EYS: variants seen among roughly 807,000 people sequenced by gnomAD.
EYS encodes EGF-like photoreceptor maintenance factor, also known as protein eyes shut homolog.
EYS carries 250 observed loss-of-function variants against 282.1 expected under a neutral mutation model. The observed-to-expected ratio is 0.89, with a 90% CI of 0.80 to 0.98. The LOEUF (loss-of-function observed/expected upper bound fraction) is 0.98, where lower values mean the gene tolerates loss of function less well. Ranked by LOEUF, EYS falls within the 50% of genes least tolerant of loss-of-function variation. The pLI is 0.00. For missense variants in EYS, 4,016 were observed against 3,709.0 expected (o/e 1.08, Z -2.15); for synonymous variants, 1,355 against 1,282.9 (o/e 1.06, Z -1.20).
At position 64,771,979 on chromosome 6, in the gene EYS, T is replaced by C. The variant is rs372832356; in HGVS notation, c.3443+41399A>G. On this transcript the variant is annotated intron_variant, in intron 22 of 42. Coordinates refer to ENST00000503581, the MANE Select transcript of EYS (RefSeq NM_001142800.2). ...AACATTTTTTCATCTCTCGTGTAAA[T>C]AGATACTGCTTTATTATTTTTCAAA... Among the ~76,000 whole-genome samples the C allele has an allele frequency of 3.3e-5, 5 of 151,934 alleles. 1 individual carries two copies. The South Asian group carries it at 1.0e-3, about 31-fold the overall frequency.
chr6:64,506,404 GAGTT>G (rs907111599), intron 26 of EYS, among the ~76,000 whole-genome samples: 1 of 152,164 alleles, frequency 6.6e-6, no homozygotes, highest in African/African-American at 2.4e-5. Context: ...TGATAACACT[GAGTT>G]AGTTCTAATC....
intron 16 of EYS, among the ~76,000 whole-genome samples, chr6:64,910,091 T>C (rs1240359418): frequency 6.6e-6 from 1 of 152,154 alleles, no homozygotes; most frequent in Non-Finnish European, 1.5e-5. Context: ...CGACCTGTCC[T>C]ATTTTAGTCA....
At chr6:64,711,891 T>C (rs1345786835) in intron 22 of EYS, among the ~76,000 whole-genome samples, 3 of 152,064 alleles carry the variant, frequency 2.0e-5, no homozygotes, top group Admixed American at 6.6e-5. Flanking sequence ...TTTGTGAATA[T>C]GCAAAAATGG....
chr6:65,483,321 C>A (rs1366953804), intron 5 of EYS, among the ~76,000 whole-genome samples: 1 of 151,972 alleles, frequency 6.6e-6, no homozygotes, highest in Non-Finnish European at 1.5e-5. Flanking sequence ...TATTTGCAGC[C>A]TTAATGTAAA....
chr6:65,605,905 C>T (rs571501180), intron 2 of EYS, among the ~76,000 whole-genome samples: 1 of 151,656 alleles, frequency 6.6e-6, no homozygotes, highest in East Asian at 1.9e-4. Flanking sequence ...TCTGGAAATG[C>T]TATATTGTGG....
At chr6:65,391,568 C>A (rs1233601843) in intron 7 of EYS, among the ~76,000 whole-genome samples, 1 of 152,082 alleles carries the variant, frequency 6.6e-6, no homozygotes, top group African/African-American at 2.4e-5. Context: ...CTCCCATTCA[C>A]AATTGCTTCA....
At chr6:65,539,453 T>G (rs896875258) in intron 2 of EYS, among the ~76,000 whole-genome samples, 1 of 152,144 alleles carries the variant, frequency 6.6e-6, no homozygotes, top group Non-Finnish European at 1.5e-5. Context: ...TATAAATATA[T>G]TGGACCGATT....
At position 65,527,315 on chromosome 6, in the gene EYS, G is replaced by T. The variant is rs140522012; in HGVS notation, c.-332-31322C>A. 4.6e-3 allele frequency among the ~76,000 whole-genome samples: 698 copies of T among 152,276 alleles called. 6 individuals are homozygous for T. The highest frequency in any genetic ancestry group is 0.015 in the African/African-American group (641 of 41,568). On this transcript the variant is annotated intron_variant, in intron 2 of 42. Coordinates refer to ENST00000503581, the MANE Select transcript of EYS (RefSeq NM_001142800.2). ...TTCCTTATGACTAATTAATGGTAGA[G>T]AAATATACTGGGGTATGACTCACGT...
At chr6:64,880,316 C>T (rs1183996092) in intron 19 of EYS, among the ~76,000 whole-genome samples, 1 of 151,828 alleles carries the variant, frequency 6.6e-6, no homozygotes, top group African/African-American at 2.4e-5. Flanking sequence ...TATGATGGTG[C>T]TTTTTTATAT....
At chr6:65,204,073 C>A (rs535999753) in intron 12 of EYS, among the ~76,000 whole-genome samples, 1 of 151,880 alleles carries the variant, frequency 6.6e-6, no homozygotes, top group Non-Finnish European at 1.5e-5. Flanking sequence ...TTATGTAAAG[C>A]GACCAAATCT....
intron 14 of EYS, among the ~76,000 whole-genome samples, chr6:64,947,965 AC>A (rs1203764705): frequency 6.6e-6 from 1 of 151,816 alleles, no homozygotes; most frequent in Non-Finnish European, 1.5e-5. Flanking sequence ...ATATTTTGAA[AC>A]AAATTTAGTG....
intron 31 of EYS, among the ~76,000 whole-genome samples, chr6:64,208,104 C>T (rs1765663064): frequency 6.6e-6 from 1 of 152,120 alleles, no homozygotes; most frequent in African/African-American, 2.4e-5. Flanking sequence ...ATAATTTATT[C>T]TCACCTAGCT....
intron 34 of EYS, among the ~76,000 whole-genome samples, chr6:63,996,118 T>G (rs925551279): frequency 7.9e-5 from 12 of 152,108 alleles, no homozygotes; most frequent in Middle Eastern, 3.4e-3. Context: ...AAACGATATA[T>G]GTGTAGATAT....
At chr6:65,092,409 C>A (rs560010740) in intron 12 of EYS, among the ~76,000 whole-genome samples, 1 of 152,062 alleles carries the variant, frequency 6.6e-6, no homozygotes, top group African/African-American at 2.4e-5. Context: ...TATTTACCAG[C>A]GCCTGAAAAT....
In EYS at chr6:64,845,245, A is replaced by G. The variant is rs78006966; in HGVS notation, c.2993-22423T>C. Among the ~76,000 whole-genome samples, 61 of 152,226 alleles carry G rather than the reference A, an allele frequency of 4.0e-4. 1 individual carries two copies. In the East Asian group the frequency reaches 0.011, roughly 29 times the overall value. The stretch of plus-strand genomic sequence containing the variant: ...GGCAAAGGTTGTAATGAGCCAACAT[A>G]GTGCCACTACACTCCTGCCTGGGTG... On this transcript the variant is annotated intron_variant, in intron 19 of 42. Coordinates refer to ENST00000503581, the MANE Select transcript of EYS (RefSeq NM_001142800.2).
intron 36 of EYS, among the ~76,000 whole-genome samples, chr6:63,836,604 C>G (rs191417538): frequency 6.6e-6 from 1 of 151,766 alleles, no homozygotes; most frequent in African/African-American, 2.4e-5. Context: ...TCAAATATAT[C>G]TATGTAAAAA....
At chr6:64,572,441 T>A (rs780831891) in intron 26 of EYS, among the ~76,000 whole-genome samples, 6 of 152,128 alleles carry the variant, frequency 3.9e-5, no homozygotes, top group Non-Finnish European at 7.4e-5. Context: ...GGCATTCAAA[T>A]AGGGAGAGAG....
chr6:65,311,253 G>A (rs1333176795), intron 11 of EYS, among the ~76,000 whole-genome samples: 1 of 152,038 alleles, frequency 6.6e-6, no homozygotes, highest in Non-Finnish European at 1.5e-5. Context: ...ACATGTTTCT[G>A]GTAAGTTTCT....
chr6:64,752,380 C>T (rs553942254), intron 22 of EYS, among the ~76,000 whole-genome samples: 2 of 151,944 alleles, frequency 1.3e-5, no homozygotes, highest in Non-Finnish European at 2.9e-5. Flanking sequence ...AAAGCCTTAA[C>T]AACAGACTAG....
Sources: gnomAD v4.1 joint callset for allele counts (sites outside exome capture counted in the v4.1 genomes callset) on GRCh38, gnomAD v4.1.1 for gene constraint, MANE v1.5 for transcripts, NCBI Gene and HGNC (gene_info 2026-07-23, HGNC 2026-07-21) for gene names.